The following ACKR2 variants were observed in gnomAD, a reference collection of about 807,000 sequenced individuals.
ACKR2 encodes the protein atypical chemokine receptor 2.
For missense variants in ACKR2, 457 were observed against 477.3 expected (o/e 0.96, Z 0.40); for synonymous variants, 207 against 192.2 (o/e 1.08, Z -0.64).
In ACKR2 at chr3:42,865,690, G is replaced by A; in HGVS notation, c.*33G>A. 6.4e-7 allele frequency: 1 copy of A among 1,550,516 alleles called. No individual in the cohort carries two copies. The highest frequency in any genetic ancestry group is 1.4e-5 in the African/African-American group (1 of 73,686). ...AATTTTGGTCTGGTGGGAACAGATG[G>A]GAACCAGCTCAATTGGGTGTCCACT... On this transcript the variant is annotated 3_prime_UTR_variant, in exon 3 of 3. Transcript: ENST00000422265.
At chr3:42,842,738 T>C (rs1701051735) in intron 2 of ACKR2, among the ~76,000 whole-genome samples, 1 of 151,994 alleles carries the variant, frequency 6.6e-6, no homozygotes, top group Admixed American at 6.5e-5. Context: ...ATCCCAACAC[T>C]TTTGGAGGTC....
At chr3:42,818,020 A>G (rs1451490669) in intron 1 of ACKR2, among the ~76,000 whole-genome samples, 2 of 151,796 alleles carry the variant, frequency 1.3e-5, no homozygotes, top group African/African-American at 4.8e-5. Flanking sequence ...GAGTAATCTC[A>G]TGTACTTTTA....
At chr3:42,861,895 C>G (rs530526899) in intron 2 of ACKR2, among the ~76,000 whole-genome samples, 2 of 152,290 alleles carry the variant, frequency 1.3e-5, no homozygotes, top group South Asian at 4.1e-4. Flanking sequence ...GACAAACCCA[C>G]AGCCAATATC....
At chr3:42,862,873 A>G (rs564037483) in intron 2 of ACKR2, among the ~76,000 whole-genome samples, 1 of 152,258 alleles carries the variant, frequency 6.6e-6, no homozygotes, top group Non-Finnish European at 1.5e-5. Context: ...GGTGGATTAA[A>G]GACCTAAACA....
At chr3:42,842,793 G>A (rs1255281339) in intron 2 of ACKR2, among the ~76,000 whole-genome samples, 1 of 151,894 alleles carries the variant, frequency 6.6e-6, no homozygotes, top group African/African-American at 2.4e-5. Flanking sequence ...GACCAGCTTG[G>A]CCAACATGGT....
chr3:42,833,776 G>A (rs6763528), intron 2 of ACKR2, among the ~76,000 whole-genome samples: 143,193 of 152,098 alleles, frequency 0.94, 67,666 homozygotes, highest in East Asian at 1. Flanking sequence ...GTATTTTAAG[G>A]CCATTTTCTT....
intron 2 of ACKR2, among the ~76,000 whole-genome samples, chr3:42,837,514 G>C (rs910449320): frequency 2.0e-5 from 3 of 152,160 alleles, no homozygotes; most frequent in South Asian, 4.1e-4. Flanking sequence ...GAGCCACTGC[G>C]ACCAGCTGGG....
chr3:42,860,648 T>A (rs1005668199), intron 2 of ACKR2, among the ~76,000 whole-genome samples: 15 of 152,162 alleles, frequency 9.9e-5, no homozygotes, highest in Admixed American at 5.9e-4. Context: ...AGAATGGAAA[T>A]CATAACAAAC....
intron 1 of ACKR2, among the ~76,000 whole-genome samples, chr3:42,818,070 C>G (rs1169487524): frequency 6.6e-6 from 1 of 152,132 alleles, no homozygotes; most frequent in Non-Finnish European, 1.5e-5. Flanking sequence ...GTTCTTTTCT[C>G]TCCTCTGTCT....
chr3:42,856,072 A>G lies in ACKR2; in HGVS notation c.-37-8394A>G, dbSNP rs2088315034. On this transcript the variant is annotated intron_variant, in intron 2 of 2. Coordinates refer to ENST00000422265, the MANE Select transcript of ACKR2 (RefSeq NM_001296.5). The stretch of plus-strand genomic sequence containing the variant: ...AGCTCACAGGCTCCCAGCACCAGCC[A>G]TGTGCTAGGAGTGTCCTTACTGCTG... The G allele has an allele frequency of 1.2e-5, 4 of 338,192 alleles. No individual in the cohort carries two copies. In the East Asian group the frequency reaches 1.9e-4, roughly 16 times the overall value. The allele number at this position is 338,192 out of a possible 1,614,324, so 20.9% of individuals were successfully genotyped here.
At position 42,864,847 on chromosome 3, in the gene ACKR2, C is replaced by T. The variant is rs977794316; in HGVS notation, c.345C>T (p.Phe115=). 1.2e-6 allele frequency: 2 copies of T among 1,614,188 alleles called. No homozygotes were observed. Among genetic ancestry groups the T allele is most frequent in the Non-Finnish European group, 1.7e-6 (2 of 1,180,034 alleles). ...CCTGGCATTGGGTCTTCGGGAGTTT[C>T]TTGTGCAAGATGGTGAGCACTCTTT... The part of the protein sequence containing the change: ...SVAWHWVFGS[F]LCKMVSTLYT... The change falls in exon 3 of 3, where the codon TTC becomes TTT. Residue 115 remains phenylalanine (F), a synonymous_variant. Transcript: ENST00000422265.
chr3:42,865,949 T>G lies in ACKR2; in HGVS notation c.*292T>G. ...CTCCCTCCCTCCCTCGCTTCTTCCC[T>G]TCCTCCTTTCCTCCCTTCCTACTTT... On this transcript the variant is annotated 3_prime_UTR_variant, in exon 3 of 3. Coordinates refer to ENST00000422265, the MANE Select transcript of ACKR2 (RefSeq NM_001296.5). The G allele has an allele frequency of 3.1e-6, 1 of 320,602 alleles. No homozygotes were observed. Among genetic ancestry groups the G allele is most frequent in the Non-Finnish European group, 5.9e-6 (1 of 170,844 alleles). 19.9% of individuals were successfully genotyped at this position (320,602 alleles called of 1,614,324 possible).
chr3:42,854,005 C>T (rs1701191458), intron 2 of ACKR2, among the ~76,000 whole-genome samples: 1 of 152,046 alleles, frequency 6.6e-6, no homozygotes, highest in Non-Finnish European at 1.5e-5. Context: ...GTGCTTTCAG[C>T]CCCTGAGGGA....
intron 2 of ACKR2, among the ~76,000 whole-genome samples, chr3:42,821,695 A>G (rs569995436): frequency 5.5e-4 from 83 of 151,524 alleles, no homozygotes; most frequent in African/African-American, 1.9e-3. Flanking sequence ...TAGAATATAT[A>G]TATGTTTTTG....
chr3:42,859,270 C>T (rs1267859668), intron 2 of ACKR2, among the ~76,000 whole-genome samples: 1 of 152,060 alleles, frequency 6.6e-6, no homozygotes, highest in Non-Finnish European at 1.5e-5. Flanking sequence ...TAAGGGCAGC[C>T]AGAGAGAAAG....
intron 2 of ACKR2, among the ~76,000 whole-genome samples, chr3:42,820,512 G>A (rs1367729676): frequency 6.7e-6 from 1 of 150,024 alleles, no homozygotes; most frequent in Non-Finnish European, 1.5e-5. Context: ...AGAATGGCAT[G>A]AACCTGGGAG....
At chr3:42,860,781 G>A (rs2088377417) in intron 2 of ACKR2, among the ~76,000 whole-genome samples, 1 of 152,168 alleles carries the variant, frequency 6.6e-6, no homozygotes, top group African/African-American at 2.4e-5. Context: ...ATAATGAAGT[G>A]AAGGCAGAAA....
chr3:42,843,725 A>G (rs1701064086), intron 2 of ACKR2, among the ~76,000 whole-genome samples: 1 of 152,180 alleles, frequency 6.6e-6, no homozygotes, highest in Non-Finnish European at 1.5e-5. Context: ...GAGCCTATTT[A>G]TATGCCCAGA....
intron 2 of ACKR2, among the ~76,000 whole-genome samples, chr3:42,859,969 T>A (rs1157253727): frequency 2.0e-5 from 3 of 151,472 alleles, no homozygotes; most frequent in Non-Finnish European, 2.9e-5. Context: ...AATGACAGAA[T>A]CAAATTCACG....
Sources: gnomAD v4.1 joint callset for allele counts (sites outside exome capture counted in the v4.1 genomes callset) on GRCh38, gnomAD v4.1.1 for gene constraint, MANE v1.5 for transcripts, NCBI Gene and HGNC (gene_info 2026-07-23, HGNC 2026-07-21) for gene names.